Variants in SV2C observed in about 807,000 individuals in gnomAD.
SV2C encodes the protein synaptic vesicle glycoprotein 2C.
In SV2C, 49 loss-of-function variants were observed where a neutral mutation model predicts 79.7. That is an observed-to-expected ratio of 0.61 (90% confidence interval 0.49 to 0.78). SV2C has a LOEUF of 0.78. Ranked by LOEUF, SV2C falls within the 30% of genes least tolerant of loss-of-function variation. The pLI is 0.00. For synonymous variants in SV2C, 334 were observed against 333.2 expected, an observed-to-expected ratio of 1.00 and a Z score of -0.03; for missense variants, 833 against 912.9, an observed-to-expected ratio of 0.91 and a Z score of 1.13.
Position 76,299,044 on chromosome 5 carries a change from G to A in SV2C, c.1636+117G>A, listed in dbSNP as rs1397622422. ...GGGAAGTGGATATTAAAGAATAAAT[G>A]GAACAAGTTCTCTAAATCAGGTTGG... On this transcript the variant is annotated intron_variant, in intron 10 of 12. Transcript: ENST00000502798. The A allele has an allele frequency of 5.0e-6, 6 of 1,200,926 alleles. No homozygotes were observed. The African/African-American group carries it at 6.1e-5, about 12-fold the overall frequency. The allele number at this position is 1,200,926 out of a possible 1,614,324, so 74.4% of individuals were successfully genotyped here.
the SV2C span, among the ~76,000 whole-genome samples, chr5:76,058,817 A>G: frequency 5.5e-3 from 841 of 152,238 alleles, 5 homozygotes; most frequent in Non-Finnish European, 8.7e-3. Flanking sequence ...AGTTAAGTAC[A>G]TGTAGATTTT....
chr5:75,939,504 T>C, the SV2C span, among the ~76,000 whole-genome samples: 41 of 151,998 alleles, frequency 2.7e-4, no homozygotes, highest in African/African-American at 9.7e-5. Flanking sequence ...ACCATCATAG[T>C]GTTAGGGCTT....
the SV2C span, among the ~76,000 whole-genome samples, chr5:75,979,550 A>G: frequency 6.6e-6 from 1 of 151,642 alleles, no homozygotes; most frequent in East Asian, 1.9e-4. Context: ...AGCACAATGA[A>G]TTAGAAATAA....
At chr5:76,300,316 T>A (rs1260482345) in intron 10 of SV2C, among the ~76,000 whole-genome samples, 1 of 151,860 alleles carries the variant, frequency 6.6e-6, no homozygotes, top group East Asian at 1.9e-4. Flanking sequence ...ACCCAGCCCA[T>A]GCACATTTTG....
chr5:75,944,342 C>G, the SV2C span, among the ~76,000 whole-genome samples: 1 of 152,136 alleles, frequency 6.6e-6, no homozygotes, highest in Non-Finnish European at 1.5e-5. Flanking sequence ...ATTTAATAAT[C>G]AAGTCATTAC....
chr5:76,136,882 A>C (rs1344779002), intron 2 of SV2C, among the ~76,000 whole-genome samples: 1 of 152,204 alleles, frequency 6.6e-6, no homozygotes, highest in Non-Finnish European at 1.5e-5. Context: ...GTTGGAGCTG[A>C]CAGGTCACAT....
intron 12 of SV2C, among the ~76,000 whole-genome samples, chr5:76,307,122 T>C (rs1289177930): frequency 6.6e-6 from 1 of 152,246 alleles, no homozygotes; most frequent in Non-Finnish European, 1.5e-5. Flanking sequence ...GCTTCTTGAA[T>C]CTGTAGGTTT....
At chr5:76,031,806 G>C in the SV2C span, among the ~76,000 whole-genome samples, 1 of 152,098 alleles carries the variant, frequency 6.6e-6, no homozygotes, top group Non-Finnish European at 1.5e-5. Flanking sequence ...TTCTGCTATC[G>C]CTATATTATT....
the SV2C span, among the ~76,000 whole-genome samples, chr5:75,968,564 G>A: frequency 1.3e-5 from 2 of 152,348 alleles, no homozygotes; most frequent in African/African-American, 4.8e-5. Context: ...TCAACTGGAA[G>A]AAAGGGTATC....
intron 4 of SV2C, among the ~76,000 whole-genome samples, chr5:76,256,878 T>C (rs966431525): frequency 1.3e-5 from 2 of 152,284 alleles, no homozygotes; most frequent in Non-Finnish European, 2.9e-5. Context: ...ACAGACTTAA[T>C]GAACGAGTTC....
intron 2 of SV2C, among the ~76,000 whole-genome samples, chr5:76,133,347 T>C (rs923721358): frequency 2.6e-5 from 4 of 152,216 alleles, no homozygotes; most frequent in African/African-American, 7.2e-5. Flanking sequence ...AAACTAAAGC[T>C]TCAAAAACAA....
chr5:75,956,667 C>A, the SV2C span, among the ~76,000 whole-genome samples: 2 of 151,866 alleles, frequency 1.3e-5, no homozygotes, highest in African/African-American at 4.8e-5. Flanking sequence ...AATTCACCAT[C>A]CCCGCAAGTA....
intron 12 of SV2C, among the ~76,000 whole-genome samples, chr5:76,349,843 G>A (rs1201400391): frequency 1.3e-5 from 2 of 152,000 alleles, no homozygotes; most frequent in Non-Finnish European, 1.5e-5. Context: ...GCCATCAATG[G>A]CTACACTTTT....
intron 4 of SV2C, among the ~76,000 whole-genome samples, chr5:76,249,833 ACT>A (rs1746059676): frequency 6.6e-6 from 1 of 151,972 alleles, no homozygotes; most frequent in African/African-American, 2.4e-5. Context: ...CCAATCGAAG[ACT>A]CTGCAGAGCC....
the SV2C span, chr5:75,911,117 A>G: frequency 1.3e-6 from 2 of 1,516,544 alleles, no homozygotes; most frequent in Non-Finnish European, 1.8e-6. Context: ...ATCAAGGAGC[A>G]CTTAGAAGAT....
chr5:76,171,932 A>T (rs1294217096), intron 2 of SV2C, among the ~76,000 whole-genome samples: 1 of 91,516 alleles, frequency 1.1e-5, no homozygotes, highest in East Asian at 4.0e-4. Flanking sequence ...TCCGGGAGGG[A>T]GGTAGGGGGG....
chr5:76,066,643 G>GTGT, the SV2C span, among the ~76,000 whole-genome samples: 19 of 151,972 alleles, frequency 1.3e-4, no homozygotes, highest in African/African-American at 4.6e-4. Flanking sequence ...CCAGAATTCT[G>GTGT]TGTTGTTTCA....
intron 1 of SV2C, among the ~76,000 whole-genome samples, chr5:76,117,898 A>G (rs1748330496): frequency 2.0e-5 from 3 of 152,206 alleles, no homozygotes; most frequent in Admixed American, 1.3e-4. Flanking sequence ...AAAATTGTTT[A>G]ATAGCTTTTC....
At chr5:76,245,911 A>AGTGTGTGTGTGTGTGTGTGTGTAT (rs1745928723) in intron 4 of SV2C, among the ~76,000 whole-genome samples, 1 of 145,294 alleles carries the variant, frequency 6.9e-6, no homozygotes, top group East Asian at 2.0e-4. Context: ...GAGGCAGGGG[A>AGTGTGTGTGTGTGTGTGTGTGTAT]GTGTGTGTGT....
Sources: allele counts gnomAD v4.1 joint callset (sites outside exome capture counted in the v4.1 genomes callset), GRCh38; gene constraint gnomAD v4.1.1; transcripts MANE v1.5; gene names NCBI Gene and HGNC (gene_info 2026-07-23, HGNC 2026-07-21).